The following DGKB variants were observed in gnomAD, a reference collection of about 807,000 sequenced individuals.
The protein encoded by DGKB is 90 kDa diacylglycerol kinase.
Under a neutral mutation model 114.3 loss-of-function variants are expected in DGKB, and 67 were observed. The observed-to-expected ratio is 0.59, with a 90% CI of 0.48 to 0.72. The LOEUF (loss-of-function observed/expected upper bound fraction) is 0.72, where lower values mean the gene tolerates loss of function less well. Ranked by LOEUF, DGKB falls within the 30% of genes least tolerant of loss-of-function variation. DGKB has a pLI of 0.00. For missense variants in DGKB, 907 were observed against 975.2 expected (o/e 0.93, Z 0.93); for synonymous variants, 398 against 323.1 (o/e 1.23, Z -2.49).
chr7:14,263,236 A>G (rs1019479663), intron 23 of DGKB, among the ~76,000 whole-genome samples: 3 of 152,330 alleles, frequency 2.0e-5, no homozygotes, highest in East Asian at 1.9e-4. Flanking sequence ...AACAGCAGGT[A>G]GTATTACTAC....
chr7:14,541,482 T>C (rs751259226), intron 20 of DGKB, among the ~76,000 whole-genome samples: 1 of 152,154 alleles, frequency 6.6e-6, no homozygotes, highest in Non-Finnish European at 1.5e-5. Flanking sequence ...AGATAAAATA[T>C]CACTGAAATG....
At chr7:14,213,061 T>C (rs1788391124) in intron 23 of DGKB, among the ~76,000 whole-genome samples, 2 of 152,112 alleles carry the variant, frequency 1.3e-5, no homozygotes, top group South Asian at 2.1e-4. Context: ...TATACTCATA[T>C]ATGTACCAGT....
At chr7:14,711,681 G>T (rs1827370506) in intron 6 of DGKB, among the ~76,000 whole-genome samples, 1 of 152,078 alleles carries the variant, frequency 6.6e-6, no homozygotes, top group South Asian at 2.1e-4. Flanking sequence ...GCATAGATTT[G>T]CTTAGAAAGG....
intron 25 of DGKB, among the ~76,000 whole-genome samples, chr7:14,163,457 G>A (rs1043430194): frequency 1.4e-4 from 22 of 152,158 alleles, no homozygotes; most frequent in Admixed American, 9.8e-4. Flanking sequence ...ACACTGATGT[G>A]CCAGTCTTTG....
intron 13 of DGKB, among the ~76,000 whole-genome samples, chr7:14,655,221 G>A (rs1000933085): frequency 6.6e-6 from 1 of 151,404 alleles, no homozygotes; most frequent in Non-Finnish European, 1.5e-5. Flanking sequence ...ATTAAGAGGT[G>A]GAAAAGAATC....
chr7:14,384,342 T>C (rs1485712575), intron 21 of DGKB, among the ~76,000 whole-genome samples: 2 of 152,244 alleles, frequency 1.3e-5, no homozygotes, highest in Non-Finnish European at 2.9e-5. Flanking sequence ...TGTCTTGACT[T>C]CCTTTTTTGT....
At chr7:14,320,827 A>C (rs1807630466) in intron 23 of DGKB, among the ~76,000 whole-genome samples, 1 of 152,098 alleles carries the variant, frequency 6.6e-6, no homozygotes, top group Admixed American at 6.6e-5. Flanking sequence ...TAACCTTATT[A>C]AATAAACCTA....
intron 21 of DGKB, among the ~76,000 whole-genome samples, chr7:14,434,335 G>A (rs1583910204): frequency 1.3e-5 from 2 of 152,162 alleles, no homozygotes; most frequent in South Asian, 2.1e-4. Context: ...TTGAAGATGC[G>A]ATTAAATTTT....
intron 19 of DGKB, among the ~76,000 whole-genome samples, chr7:14,577,571 T>A (rs771327387): frequency 6.6e-6 from 1 of 151,916 alleles, no homozygotes; most frequent in Non-Finnish European, 1.5e-5. Flanking sequence ...GAGCTGAGAT[T>A]GCGCCACTGC....
chr7:14,745,695 G>A (rs181519256), intron 4 of DGKB, among the ~76,000 whole-genome samples: 20 of 152,280 alleles, frequency 1.3e-4, no homozygotes, highest in Admixed American at 7.8e-4. Flanking sequence ...CATGTGTGGT[G>A]GCCTGGTATT....
intron 4 of DGKB, among the ~76,000 whole-genome samples, chr7:14,753,023 G>A (rs527475874): frequency 2.0e-5 from 3 of 152,248 alleles, no homozygotes; most frequent in African/African-American, 7.2e-5. Flanking sequence ...TCAATGAGTT[G>A]CCATGTTACC....
chr7:14,885,551 C>G (rs1854921265), intron 1 of DGKB, among the ~76,000 whole-genome samples: 1 of 151,718 alleles, frequency 6.6e-6, no homozygotes, highest in Middle Eastern at 3.4e-3. Context: ...TACAGTGGCA[C>G]ATAGAGATAA....
intron 23 of DGKB, among the ~76,000 whole-genome samples, chr7:14,282,969 C>G (rs1194109146): frequency 6.6e-6 from 1 of 151,934 alleles, no homozygotes; most frequent in Non-Finnish European, 1.5e-5. Context: ...GGGATGCCCT[C>G]TCTCACCACT....
At chr7:14,676,544 T>G (rs1249811394) in intron 12 of DGKB, among the ~76,000 whole-genome samples, 5 of 152,036 alleles carry the variant, frequency 3.3e-5, no homozygotes, top group Non-Finnish European at 7.4e-5. Context: ...GCCTCATAAA[T>G]GTATATACCT....
intron 23 of DGKB, among the ~76,000 whole-genome samples, chr7:14,239,262 T>TTTTTACAG (rs1793288700): frequency 2.0e-5 from 3 of 151,366 alleles, no homozygotes; most frequent in African/African-American, 4.9e-5. Context: ...GAACATCATG[T>TTTTTACAG]TTTTACAGCT....
chr7:14,446,680 T>C (rs1830764957), intron 21 of DGKB, among the ~76,000 whole-genome samples: 1 of 152,186 alleles, frequency 6.6e-6, no homozygotes, highest in Non-Finnish European at 1.5e-5. Context: ...GCTCAATTTG[T>C]ATGAAAAGAA....
intron 21 of DGKB, among the ~76,000 whole-genome samples, chr7:14,427,225 T>C (rs955463803): frequency 1.3e-5 from 2 of 152,084 alleles, no homozygotes; most frequent in Non-Finnish European, 2.9e-5. Context: ...CTGTACGTCC[T>C]GAACAGGGGC....
chr7:14,847,152 G>A (rs1848734812), intron 1 of DGKB, among the ~76,000 whole-genome samples: 3 of 152,040 alleles, frequency 2.0e-5, no homozygotes, highest in Admixed American at 6.5e-5. Flanking sequence ...TTAACAGAGC[G>A]TGGTGGTGGG....
At chr7:14,826,084 G>T (rs571990759) in intron 2 of DGKB, among the ~76,000 whole-genome samples, 1 of 152,140 alleles carries the variant, frequency 6.6e-6, no homozygotes, top group African/African-American at 2.4e-5. Flanking sequence ...GGGCTTGCAC[G>T]AAGTAGCAGT....
Sources: gnomAD v4.1 joint callset for allele counts (sites outside exome capture counted in the v4.1 genomes callset) on GRCh38, gnomAD v4.1.1 for gene constraint, MANE v1.5 for transcripts, NCBI Gene and HGNC (gene_info 2026-07-23, HGNC 2026-07-21) for gene names.